ESR1: variants seen among roughly 807,000 people sequenced by gnomAD.
The protein encoded by ESR1 is estrogen receptor.
Under a neutral mutation model 52.7 loss-of-function variants are expected in ESR1, and 12 were observed. The ratio of observed to expected loss-of-function variants is 0.23; its 90% CI spans 0.15 to 0.37. ESR1 has a LOEUF of 0.37. Ranked by LOEUF, ESR1 falls within the 10% of genes least tolerant of loss-of-function variation. ESR1 has a pLI of 1.00. For synonymous variants in ESR1, 305 were observed against 316.8 expected, an observed-to-expected ratio of 0.96 and a Z score of 0.39; for missense variants, 584 against 779.7, an observed-to-expected ratio of 0.75 and a Z score of 2.99.
chr6:151,712,459 C>T (rs1780692063), intron 2 of ESR1, among the ~76,000 whole-genome samples: 1 of 152,102 alleles, frequency 6.6e-6, no homozygotes, highest in Admixed American at 6.6e-5. Context: ...GATATTGATT[C>T]TTCCTATCCA....
At chr6:151,765,710 G>T (rs1304563439) in intron 2 of ESR1, among the ~76,000 whole-genome samples, 1 of 152,264 alleles carries the variant, frequency 6.6e-6, no homozygotes, top group African/African-American at 2.4e-5. Context: ...CATAGAAAGA[G>T]TCTGAATTAT....
chr6:151,662,372 T>C (rs757268024), intron 1 of ESR1, among the ~76,000 whole-genome samples: 4 of 152,204 alleles, frequency 2.6e-5, no homozygotes, highest in African/African-American at 4.8e-5. Context: ...GAACTGATCA[T>C]TTCCTTTCCT....
intron 1 of ESR1, among the ~76,000 whole-genome samples, chr6:151,685,282 C>T (rs572529915): frequency 6.6e-6 from 1 of 150,898 alleles, no homozygotes; most frequent in Non-Finnish European, 1.5e-5. Flanking sequence ...TACAGGCGCC[C>T]GCCACCGCGC....
At chr6:151,773,807 C>T (rs1785719891) in intron 2 of ESR1, among the ~76,000 whole-genome samples, 1 of 152,164 alleles carries the variant, frequency 6.6e-6, no homozygotes. Context: ...TCTCTCATCT[C>T]CTCTGGTGGC....
intron 4 of ESR1, among the ~76,000 whole-genome samples, chr6:151,984,834 A>G (rs1470223253): frequency 6.6e-6 from 1 of 152,150 alleles, no homozygotes; most frequent in Non-Finnish European, 1.5e-5. Flanking sequence ...TCTAAATATT[A>G]TCCTTCTTTA....
chr6:152,046,858 G>C (rs3020365), intron 5 of ESR1, among the ~76,000 whole-genome samples: 1 of 151,746 alleles, frequency 6.6e-6, no homozygotes, highest in Non-Finnish European at 1.5e-5. Flanking sequence ...AGGAAGGGAG[G>C]GTTTAGGCCA....
intron 6 of ESR1, among the ~76,000 whole-genome samples, chr6:152,117,823 T>G (rs924667454): frequency 1.2e-4 from 18 of 152,190 alleles, no homozygotes; most frequent in Admixed American, 9.2e-4. Context: ...ATTTTAAAAC[T>G]TCAAGGGACA....
intron 2 of ESR1, among the ~76,000 whole-genome samples, chr6:151,759,880 A>T (rs930205828): frequency 6.6e-6 from 1 of 152,218 alleles, no homozygotes; most frequent in Non-Finnish European, 1.5e-5. Flanking sequence ...TTGGTGCAAA[A>T]GTAACTGCGG....
intron 2 of ESR1, among the ~76,000 whole-genome samples, chr6:151,853,499 T>TA (rs1438919484): frequency 2.0e-5 from 3 of 152,178 alleles, no homozygotes; most frequent in Non-Finnish European, 2.9e-5. Flanking sequence ...GAAATGACAG[T>TA]AGTTCTTCTT....
chr6:151,811,528 CAATGCCCTGCT>C (rs1562430774), intron 1 of ESR1, among the ~76,000 whole-genome samples: 1 of 152,182 alleles, frequency 6.6e-6, no homozygotes, highest in Non-Finnish European at 1.5e-5. Context: ...GCATCAAAAT[CAATGCCCTGCT>C]AATTTGTATC....
chr6:151,791,376 C>T (rs906526530), intron 2 of ESR1, among the ~76,000 whole-genome samples: 50 of 152,334 alleles, frequency 3.3e-4, no homozygotes, highest in African/African-American at 1.2e-3. Context: ...CACGAGCTCT[C>T]TTGCCTGCCG....
intron 5 of ESR1, among the ~76,000 whole-genome samples, chr6:152,056,550 T>A (rs1004158284): frequency 1.3e-5 from 2 of 152,224 alleles, no homozygotes; most frequent in Non-Finnish European, 2.9e-5. Context: ...GAGGAAGAGA[T>A]GCCTTAGGGC....
chr6:151,953,693 C>A (rs2036579989), intron 4 of ESR1, among the ~76,000 whole-genome samples: 2 of 151,754 alleles, frequency 1.3e-5, no homozygotes, highest in South Asian at 4.2e-4. Flanking sequence ...TGCACTCCAG[C>A]CGGAGTGAGA....
intron 2 of ESR1, among the ~76,000 whole-genome samples, chr6:151,855,220 AAAATAATTT>A (rs1380437118): frequency 4.6e-5 from 7 of 152,170 alleles, no homozygotes; most frequent in Non-Finnish European, 1.5e-5. Flanking sequence ...GGCTCGTTTT[AAAATAATTT>A]AAAAGTATAT....
Position 151,850,077 on chromosome 6 carries a change from A to ATG in ESR1, c.643+7290_643+7291insTG, listed in dbSNP as rs1562474397. The stretch of plus-strand genomic sequence containing the variant: ...ATATATAATTTTATATATATATAAA[A>ATG]AATTATATATATATAATTTTATATA... On this transcript the variant is annotated intron_variant, in intron 2 of 7. Coordinates refer to ENST00000206249, the MANE Select transcript of ESR1 (RefSeq NM_000125.4). Among the ~76,000 whole-genome samples, 6 of 71,512 alleles carry ATG rather than the reference A, an allele frequency of 8.4e-5. 1 individual carries two copies. In the East Asian group the frequency reaches 2.1e-3, roughly 25 times the overall value. 46.9% of individuals were successfully genotyped at this position (71,512 alleles called of 152,430 possible).
At chr6:151,872,744 C>T (rs1206037455) in intron 2 of ESR1, among the ~76,000 whole-genome samples, 2 of 152,204 alleles carry the variant, frequency 1.3e-5, no homozygotes, top group South Asian at 2.1e-4. Flanking sequence ...GGTGGTCCTA[C>T]CAAGACAAAG....
chr6:151,976,373 T>C (rs1584589038), intron 4 of ESR1, among the ~76,000 whole-genome samples: 1 of 152,248 alleles, frequency 6.6e-6, no homozygotes, highest in East Asian at 1.9e-4. Flanking sequence ...AATTAATCCA[T>C]CATCTGGTTA....
chr6:151,690,509 C>T (rs1778861119), exon 1 of ESR1: 1 of 152,156 alleles, frequency 6.6e-6, no homozygotes, highest in Non-Finnish European at 1.5e-5. Context: ...GTCATAACAG[C>T]CTCCTGTCTA....
At chr6:152,069,403 T>C (rs1285116205) in intron 6 of ESR1, among the ~76,000 whole-genome samples, 1 of 136,226 alleles carries the variant, frequency 7.3e-6, no homozygotes, top group Admixed American at 6.8e-5. Flanking sequence ...AATGGCAAAC[T>C]TGAGGGGTTT....
Sources: gnomAD v4.1 joint callset for allele counts (sites outside exome capture counted in the v4.1 genomes callset) on GRCh38, gnomAD v4.1.1 for gene constraint, MANE v1.5 for transcripts, NCBI Gene and HGNC (gene_info 2026-07-23, HGNC 2026-07-21) for gene names.